The following NOX4 variants were observed in gnomAD, a reference collection of about 807,000 sequenced individuals.
NOX4 encodes the protein NADPH oxidase 4, also known as kidney oxidase-1.
Under a neutral mutation model 87.6 loss-of-function variants are expected in NOX4, and 69 were observed. The ratio of observed to expected loss-of-function variants is 0.79; its 90% CI spans 0.65 to 0.96. NOX4 has a LOEUF of 0.96. Among genes scored for constraint, NOX4 ranks in the 40% least tolerant of loss-of-function variants. The pLI is 0.00. For synonymous variants in NOX4, 275 were observed against 238.2 expected (o/e 1.15, Z -1.42); for missense variants, 680 against 681.5 (o/e 1.00, Z 0.02).
intron 13 of NOX4, among the ~76,000 whole-genome samples, chr11:89,347,374 T>C (rs1946262940): frequency 6.6e-6 from 1 of 152,196 alleles, no homozygotes; most frequent in South Asian, 2.1e-4. Flanking sequence ...AGCAATTGCT[T>C]TGAGAAATGG....
At chr11:89,457,018 C>A (rs751922418) in intron 2 of NOX4, among the ~76,000 whole-genome samples, 1 of 152,132 alleles carries the variant, frequency 6.6e-6, no homozygotes, top group East Asian at 1.9e-4. Context: ...TGATGGCCAA[C>A]CAAGTTGCTT....
At chr11:89,432,503 A>T (rs551853271) in intron 7 of NOX4, among the ~76,000 whole-genome samples, 1 of 152,220 alleles carries the variant, frequency 6.6e-6, no homozygotes, top group Admixed American at 6.6e-5. Context: ...CCATAGAGAT[A>T]CACTATCCTT....
At chr11:89,366,700 G>GAAAAAAAAAAAAAAAAAA (rs11314993) in intron 12 of NOX4, among the ~76,000 whole-genome samples, 1 of 113,116 alleles carries the variant, frequency 8.8e-6, no homozygotes, top group Non-Finnish European at 2.0e-5. Context: ...AAACTGAAAA[G>GAAAAAAAAAAAAAAAAAA]AAAAAAAAAA....
intron 12 of NOX4, among the ~76,000 whole-genome samples, chr11:89,362,712 G>T (rs1175998199): frequency 6.6e-6 from 1 of 151,950 alleles, no homozygotes. Context: ...ATCTTCAAGA[G>T]TAGTTGTCAT....
At chr11:89,425,029 A>G (rs1382888163) in intron 7 of NOX4, among the ~76,000 whole-genome samples, 1 of 152,170 alleles carries the variant, frequency 6.6e-6, no homozygotes, top group Non-Finnish European at 1.5e-5. Context: ...TAAATTGTTT[A>G]TGAGAGCAAA....
At chr11:89,500,366 A>G (rs1947004098), upstream of NOX4, among the ~76,000 whole-genome samples, 2 of 152,108 alleles carry the variant, frequency 1.3e-5, no homozygotes, top group African/African-American at 4.8e-5. Context: ...TTCAATTATT[A>G]TATGGTGATG....
intron 17 of NOX4, among the ~76,000 whole-genome samples, chr11:89,334,436 A>G (rs755270725): frequency 4.6e-5 from 7 of 151,802 alleles, no homozygotes; most frequent in Non-Finnish European, 1.0e-4. Context: ...ACATGACTGT[A>G]ATCTGAATCA....
At chr11:89,468,554 T>C (rs1945800820) in intron 2 of NOX4, among the ~76,000 whole-genome samples, 1 of 152,200 alleles carries the variant, frequency 6.6e-6, no homozygotes, top group South Asian at 2.1e-4. Context: ...GTTTCCAACA[T>C]ATAGGTTTTC....
chr11:89,409,274 TA>T (rs1294942615), intron 8 of NOX4, among the ~76,000 whole-genome samples: 1 of 152,134 alleles, frequency 6.6e-6, no homozygotes, highest in Non-Finnish European at 1.5e-5. Flanking sequence ...TCTCATCTTG[TA>T]ATACCAGCTG....
chr11:89,383,648 C>A (rs2135104983), intron 11 of NOX4, among the ~76,000 whole-genome samples: 1 of 152,262 alleles, frequency 6.6e-6, no homozygotes, highest in Non-Finnish European at 1.5e-5. Flanking sequence ...GGCTTCGAAA[C>A]CTCTTAAAAC....
the NOX4 span, among the ~76,000 whole-genome samples, chr11:89,566,022 C>G: frequency 6.7e-6 from 1 of 149,626 alleles, no homozygotes; most frequent in Non-Finnish European, 1.5e-5. Flanking sequence ...ATGAAATTAA[C>G]TTATTACTAA....
At chr11:89,334,519 G>C (rs1284868415) in intron 17 of NOX4, among the ~76,000 whole-genome samples, 7 of 151,644 alleles carry the variant, frequency 4.6e-5, no homozygotes, top group Non-Finnish European at 8.9e-5. Context: ...CAAAATCTTT[G>C]AAGGTAGAGA....
chr11:89,537,413 A>C, the NOX4 span, among the ~76,000 whole-genome samples: 1 of 151,468 alleles, frequency 6.6e-6, no homozygotes, highest in Non-Finnish European at 1.5e-5. Context: ...AGTTATATAT[A>C]CATATTATAT....
chr11:89,387,257 A>T (rs944530900), intron 11 of NOX4, among the ~76,000 whole-genome samples: 5 of 152,280 alleles, frequency 3.3e-5, no homozygotes, highest in African/African-American at 1.2e-4. Flanking sequence ...CTGAAGAGTC[A>T]CAGACTAAGT....
rs577012889 is a variant in NOX4 at position 89,457,779 on chromosome 11, C to A, written c.154-5884G>T. On this transcript the variant is annotated intron_variant, in intron 2 of 17. Coordinates refer to ENST00000263317, the MANE Select transcript of NOX4 (RefSeq NM_016931.5). ...CCACCAACAGTGTTCAAGCTGAGAGCCAAATCCAGATCATAATCCCATTCA... is the reference window on the plus strand; with the variant it reads ...CCACCAACAGTGTTCAAGCTGAGAGACAAATCCAGATCATAATCCCATTCA... Among the ~76,000 whole-genome samples, 186 of 151,842 alleles carry A rather than the reference C, an allele frequency of 1.2e-3. 1 individual carries two copies. The highest frequency in any genetic ancestry group is 7.9e-3 in the South Asian group (38 of 4,820).
rs1049466884 is a variant in NOX4, at chr11:89,377,584, C to A, written c.1075-4092G>T. Reference sequence around the variant, plus strand: ...ACAAAATATAAAAAGATATTTGTAACTTGTCATATGTTTGGGAATTAAATG... The same window carrying A: ...ACAAAATATAAAAAGATATTTGTAAATTGTCATATGTTTGGGAATTAAATG... On this transcript the variant is annotated intron_variant, in intron 11 of 17. Coordinates refer to ENST00000263317, the MANE Select transcript of NOX4 (RefSeq NM_016931.5). Among the ~76,000 whole-genome samples the A allele has an allele frequency of 3.3e-5, 5 of 151,914 alleles. No homozygotes were observed. The South Asian group carries it at 8.3e-4, about 25-fold the overall frequency.
At chr11:89,545,714 A>G in the NOX4 span, 1 of 152,006 alleles carries the variant, frequency 6.6e-6, no homozygotes. Flanking sequence ...GCTTAAAAAA[A>G]AAAAAAAAAA....
the NOX4 span, among the ~76,000 whole-genome samples, chr11:89,518,475 T>C: frequency 6.6e-6 from 1 of 152,098 alleles, no homozygotes; most frequent in Non-Finnish European, 1.5e-5. Context: ...AATATGATTA[T>C]TTAGGGATTC....
rs58059305 is a variant in NOX4 at position 89,400,002 on chromosome 11, A to C, written c.1074+15T>G. 496 of 1,591,096 alleles carry C rather than the reference A, an allele frequency of 3.1e-4. 4 individuals are homozygous for C. The African/African-American group carries it at 6.1e-3, about 19-fold the overall frequency. On this transcript the variant is annotated intron_variant, in intron 11 of 17. Transcript: ENST00000263317. ...CACCCTACAAATGTGAAAAAGCAAGAGATATGTTTCTTACCATTGTGAGGG... is the reference window on the plus strand; with the variant it reads ...CACCCTACAAATGTGAAAAAGCAAGCGATATGTTTCTTACCATTGTGAGGG...
Sources: allele counts gnomAD v4.1 joint callset (sites outside exome capture counted in the v4.1 genomes callset), GRCh38; gene constraint gnomAD v4.1.1; transcripts MANE v1.5; gene names NCBI Gene and HGNC (gene_info 2026-07-23, HGNC 2026-07-21).